TRPC4: variants seen among roughly 807,000 people sequenced by gnomAD.
The protein encoded by TRPC4 is short transient receptor potential channel 4.
In TRPC4, 49 loss-of-function variants were observed where a neutral mutation model predicts 99.4. The ratio of observed to expected loss-of-function variants is 0.49; its 90% CI spans 0.39 to 0.63. The LOEUF (loss-of-function observed/expected upper bound fraction) is 0.63, where lower values mean the gene tolerates loss of function less well. Ranked by LOEUF, TRPC4 falls within the 20% of genes least tolerant of loss-of-function variation. The probability of loss-of-function intolerance (pLI) is 0.00; values close to 1 mark genes in which losing one functional copy is unlikely to be tolerated. For missense variants in TRPC4, 898 were observed against 1,152.9 expected, an observed-to-expected ratio of 0.78 and a Z score of 3.20; for synonymous variants, 454 against 425.9, an observed-to-expected ratio of 1.07 and a Z score of -0.81.
At chr13:37,828,555 C>A (rs1399752058) in intron 1 of TRPC4, among the ~76,000 whole-genome samples, 1 of 152,120 alleles carries the variant, frequency 6.6e-6, no homozygotes, top group Non-Finnish European at 1.5e-5. Context: ...CACCACTATT[C>A]ATAATAGCAA....
intron 1 of TRPC4, among the ~76,000 whole-genome samples, chr13:37,834,473 A>G (rs924652605): frequency 5.9e-5 from 9 of 152,212 alleles, no homozygotes; most frequent in African/African-American, 2.2e-4. Flanking sequence ...TGATCAAGCT[A>G]TTTCAAAATT....
intron 1 of TRPC4, among the ~76,000 whole-genome samples, chr13:37,841,766 T>A (rs79111863): frequency 0.033 from 4,969 of 152,132 alleles, 276 homozygotes; most frequent in African/African-American, 0.11. Flanking sequence ...GTGAACAGAC[T>A]AAATCATTCA....
chr13:37,859,557 G>T (rs1353976421), intron 1 of TRPC4, among the ~76,000 whole-genome samples: 1 of 151,424 alleles, frequency 6.6e-6, no homozygotes, highest in African/African-American at 2.4e-5. Flanking sequence ...CAACAGAAAT[G>T]GTAGAAGTTG....
rs148645136 is a variant in TRPC4, at chr13:37,836,191, C to A, written c.-28+33404G>T. On this transcript the variant is annotated intron_variant, in intron 1 of 10. Transcript: ENST00000379705. ...CCCCAGCCATGTGGAACTGTAAGTCCATTAAACCTCTTTCTTTTGTAAATT... is the reference window on the plus strand; with the variant it reads ...CCCCAGCCATGTGGAACTGTAAGTCAATTAAACCTCTTTCTTTTGTAAATT... Among the ~76,000 whole-genome samples, 1,361 of 152,248 alleles carry A rather than the reference C, an allele frequency of 8.9e-3. 35 individuals are homozygous for A. The East Asian group carries it at 0.1, about 11-fold the overall frequency.
intron 3 of TRPC4, among the ~76,000 whole-genome samples, chr13:37,733,338 G>C (rs1336192729): frequency 6.6e-6 from 1 of 152,082 alleles, no homozygotes; most frequent in Non-Finnish European, 1.5e-5. Context: ...AGGTAGCCAA[G>C]GCAGGCTCTG....
chr13:37,854,452 A>G (rs535162038), intron 1 of TRPC4, among the ~76,000 whole-genome samples: 9 of 152,100 alleles, frequency 5.9e-5, no homozygotes, highest in Non-Finnish European at 7.4e-5. Context: ...CTAAAAGAAA[A>G]TGGTGTTGAT....
intron 1 of TRPC4, among the ~76,000 whole-genome samples, chr13:37,827,980 C>T (rs180867778): frequency 1.3e-5 from 2 of 152,168 alleles, no homozygotes; most frequent in Admixed American, 1.3e-4. Flanking sequence ...CGTGGTGGGC[C>T]GTTTTTTAAG....
At chr13:37,641,313 C>T (rs919539080) in intron 8 of TRPC4, among the ~76,000 whole-genome samples, 1 of 152,096 alleles carries the variant, frequency 6.6e-6, no homozygotes, top group South Asian at 2.1e-4. Context: ...CACTATGGTA[C>T]CTTTCAGGCG....
chr13:37,712,066 T>A (rs146051651), intron 3 of TRPC4, among the ~76,000 whole-genome samples: 1 of 152,120 alleles, frequency 6.6e-6, no homozygotes, highest in Non-Finnish European at 1.5e-5. Flanking sequence ...AAATGCCTCA[T>A]GTGGCTAGTG....
chr13:37,803,075 C>A (rs1957445140), intron 1 of TRPC4, among the ~76,000 whole-genome samples: 1 of 151,700 alleles, frequency 6.6e-6, no homozygotes, highest in African/African-American at 2.4e-5. Flanking sequence ...TTTTATTGCC[C>A]AAACTGTCTC....
At position 37,674,369 on chromosome 13, in the gene TRPC4, T is replaced by C; in HGVS notation, c.1235-2A>G. ...GTTTAATTTCTCCCCATATGAAGCC[T>C]GCAATTATAGAAAGATTCATTGTAA... On this transcript the variant is annotated splice_acceptor_variant, in intron 4 of 10. Coordinates refer to ENST00000379705, the MANE Select transcript of TRPC4 (RefSeq NM_016179.4). LOFTEE classifies it high-confidence loss of function. The C allele has an allele frequency of 6.3e-7, 1 of 1,596,564 alleles. No individual in the cohort carries two copies. The highest frequency in any genetic ancestry group is 1.3e-5 in the African/African-American group (1 of 74,254).
chr13:37,664,358 G>A (rs778691377), intron 5 of TRPC4, among the ~76,000 whole-genome samples: 1 of 152,134 alleles, frequency 6.6e-6, no homozygotes, highest in Non-Finnish European at 1.5e-5. Flanking sequence ...CGAATTACCT[G>A]AGGTTGGGAG....
At chr13:37,850,835 T>C (rs1223255351) in intron 1 of TRPC4, among the ~76,000 whole-genome samples, 2 of 152,110 alleles carry the variant, frequency 1.3e-5, no homozygotes, top group African/African-American at 4.8e-5. Context: ...AGAAATGAAT[T>C]GACCTTGTAC....
intron 8 of TRPC4, among the ~76,000 whole-genome samples, chr13:37,645,802 CTGAA>C (rs1330507694): frequency 6.6e-6 from 1 of 152,170 alleles, no homozygotes; most frequent in East Asian, 1.9e-4. Context: ...CGTGAAATGC[CTGAA>C]TGTTGTATTG....
At chr13:37,796,499 T>C (rs989337398) in intron 1 of TRPC4, among the ~76,000 whole-genome samples, 4 of 152,272 alleles carry the variant, frequency 2.6e-5, no homozygotes, top group Non-Finnish European at 5.9e-5. Context: ...GCTAGGTTTT[T>C]ATTATGTTCT....
chr13:37,758,295 T>G (rs1956143813), intron 2 of TRPC4, among the ~76,000 whole-genome samples: 1 of 151,836 alleles, frequency 6.6e-6, no homozygotes, highest in African/African-American at 2.4e-5. Context: ...AATCCAACAG[T>G]GTATCAAAGG....
rs187727514 is a variant in TRPC4 at position 37,750,573 on chromosome 13, A to T, written c.379-4118T>A. Among the ~76,000 whole-genome samples the T allele has an allele frequency of 6.6e-4, 101 of 152,184 alleles. 1 individual carries two copies. The highest frequency in any genetic ancestry group is 3.4e-3 in the Middle Eastern group (1 of 294). ...GGCAAATTATATTAATAAGTTTCGG[A>T]ATATTGAAACATTCTGACTTTCCTG... On this transcript the variant is annotated intron_variant, in intron 2 of 10. Transcript: ENST00000379705.
intron 1 of TRPC4, among the ~76,000 whole-genome samples, chr13:37,788,920 G>A (rs1957039783): frequency 6.6e-6 from 1 of 151,940 alleles, no homozygotes; most frequent in Admixed American, 6.6e-5. Context: ...ATGTCTTACT[G>A]GGAAGATTTC....
chr13:37,853,533 A>G (rs1352461814), intron 1 of TRPC4, among the ~76,000 whole-genome samples: 1 of 152,178 alleles, frequency 6.6e-6, no homozygotes, highest in East Asian at 1.9e-4. Flanking sequence ...ACCTATAAGC[A>G]TCAAGAATAT....
Sources: gnomAD v4.1 joint callset for allele counts (sites outside exome capture counted in the v4.1 genomes callset) on GRCh38, gnomAD v4.1.1 for gene constraint, MANE v1.5 for transcripts, NCBI Gene and HGNC (gene_info 2026-07-23, HGNC 2026-07-21) for gene names.